The following GBP1 variants were observed in gnomAD, a reference collection of about 807,000 sequenced individuals.
GBP1 encodes the protein guanylate-binding protein 1.
GBP1 carries 64 observed loss-of-function variants against 69.5 expected under a neutral mutation model. The ratio of observed to expected loss-of-function variants is 0.92; its 90% CI spans 0.75 to 1.13. The LOEUF is 1.13. Ranked by LOEUF, GBP1 falls within the 50% of genes most tolerant of loss-of-function variation. The pLI, the probability that GBP1 is intolerant of heterozygous loss-of-function variation, is 0.00. For missense variants in GBP1, 630 were observed against 704.1 expected (o/e 0.89, Z 1.19); for synonymous variants, 250 against 261.2 (o/e 0.96, Z 0.41).
chr1:89,064,395 G>A (rs114704581), intron 1 of GBP1, among the ~76,000 whole-genome samples: 6,438 of 152,196 alleles, frequency 0.042, 186 homozygotes, highest in Admixed American at 0.073. Flanking sequence ...AGTAAGCAAA[G>A]ATATTTTCTG....
chr1:89,058,384 AT>A, intron 5 of GBP1, 150 bp from the exon 6 acceptor site: 1 of 698,756 alleles, frequency 1.4e-6, no homozygotes, highest in Non-Finnish European at 2.4e-6. Context: ...GCTTTAGACA[AT>A]ATGTAAATGA....
rs1354364136 is a variant in GBP1, at chr1:89,063,052, C to T, written c.183G>A (p.Lys61=). ...TTTGCTCATGCCACTCACCCTTTTT[C>T]TTTCCAGCCAGCTTGTTCATCAGGT... ...KSYLMNKLAG[K]KKGFSLGSTV... Residue 61 remains lysine (K), a synonymous_variant, in exon 2 of 11, where the codon AAG becomes AAA. Transcript: ENST00000370473. 6.2e-7 allele frequency: 1 copy of T among 1,614,024 alleles called. No homozygotes were observed. The highest frequency in any genetic ancestry group is 2.2e-5 in the East Asian group (1 of 44,878).
chr1:89,053,528 A>G, intron 10 of GBP1, 60 bp from the exon 11 acceptor site: 4 of 1,570,820 alleles, frequency 2.5e-6, no homozygotes, highest in Admixed American at 2.0e-5. Context: ...GAAACATTCT[A>G]TCTGGTTTCC....
Position 89,058,253 on chromosome 1 carries a change from A to T in GBP1, c.632-19T>A. On this transcript the variant is annotated intron_variant, in intron 5 of 10. Coordinates refer to ENST00000370473, the MANE Select transcript of GBP1 (RefSeq NM_002053.3). ...CTGGTACCTAGAAAAACATTTAAAA[A>T]ATTATAAAATTGCCTAATATAAGTG... The T allele has an allele frequency of 6.4e-7, 1 of 1,555,906 alleles. No homozygotes were observed.
Position 89,052,713 on chromosome 1 carries a change from C to T in GBP1, c.*642G>A, listed in dbSNP as rs1033636743. On this transcript the variant is annotated 3_prime_UTR_variant, in exon 11 of 11. Coordinates refer to ENST00000370473, the MANE Select transcript of GBP1 (RefSeq NM_002053.3). ...TAAAGTGTCCCATTGAAGTTATAAT[C>T]TGGATGAACTGAACAATAAGAGAAG... 2 of 152,206 alleles carry T rather than the reference C, an allele frequency of 1.3e-5. No homozygotes were observed. The highest frequency in any genetic ancestry group is 2.9e-5 in the Non-Finnish European group (2 of 68,042). 9.4% of individuals were successfully genotyped at this position (152,206 alleles called of 1,614,324 possible).
chr1:89,060,498 C>A (rs1424350195), intron 2 of GBP1, among the ~76,000 whole-genome samples, 174 bp from the exon 3 acceptor site: 2 of 152,188 alleles, frequency 1.3e-5, no homozygotes, highest in Non-Finnish European at 2.9e-5. Context: ...TGCATGGAAA[C>A]ATTCAGGAGG....
In GBP1 at chr1:89,053,234, T is replaced by G; in HGVS notation, c.*121A>C. ...ATTTTGATCATTGTACCACATGCCTTTATAAACTTTTGGTGTTATGATGCA... is the reference window on the plus strand; with the variant it reads ...ATTTTGATCATTGTACCACATGCCTGTATAAACTTTTGGTGTTATGATGCA... On this transcript the variant is annotated 3_prime_UTR_variant, in exon 11 of 11. Transcript: ENST00000370473. 1.5e-6 allele frequency: 1 copy of G among 661,978 alleles called. No homozygotes were observed. Among genetic ancestry groups the G allele is most frequent in the Non-Finnish European group, 2.5e-6 (1 of 394,040 alleles). 41.0% of individuals were successfully genotyped at this position (661,978 alleles called of 1,614,324 possible). A position where few individuals can be genotyped will look rare whatever the true frequency, so the allele number is the denominator to read the frequency against.
Position 89,053,280 on chromosome 1 carries a change from G to A in GBP1, c.*75C>T, listed in dbSNP as rs1679963534. The A allele has an allele frequency of 2.8e-6, 3 of 1,059,514 alleles. No individual in the cohort carries two copies. The highest frequency in any genetic ancestry group is 4.2e-6 in the Non-Finnish European group (3 of 717,820). The allele number at this position is 1,059,514 out of a possible 1,614,324, so 65.6% of individuals were successfully genotyped here. ...ATGCAAGATCTAATTATTATCAAATGTAGTGACGCTTGTTCCAAATTCTAA... is the reference window on the plus strand; with the variant it reads ...ATGCAAGATCTAATTATTATCAAATATAGTGACGCTTGTTCCAAATTCTAA... On this transcript the variant is annotated 3_prime_UTR_variant, in exon 11 of 11. Coordinates refer to ENST00000370473, the MANE Select transcript of GBP1 (RefSeq NM_002053.3).
chr1:89,064,003 C>A (rs1205492372), intron 1 of GBP1, among the ~76,000 whole-genome samples: 1 of 152,070 alleles, frequency 6.6e-6, no homozygotes, highest in Non-Finnish European at 1.5e-5. Context: ...CTGAATGTTT[C>A]CTCCAGATAA....
intron 2 of GBP1, among the ~76,000 whole-genome samples, chr1:89,062,306 C>T (rs759240131): frequency 2.4e-4 from 36 of 152,284 alleles, no homozygotes; most frequent in African/African-American, 7.9e-4. Flanking sequence ...TTAGTATACA[C>T]GTACAATTAC....
rs750714490 is a variant in GBP1 at position 89,053,413 on chromosome 1, T to C, written c.1721A>G (p.Asn574Ser). The C allele has an allele frequency of 1.9e-6, 3 of 1,613,852 alleles. No homozygotes were observed. The South Asian group carries it at 3.3e-5, about 18-fold the overall frequency. Residue 574 changes from asparagine to serine, a missense_variant, in exon 11 of 11, where the codon AAT becomes AGT. By Grantham distance (46) the Asn-to-Ser change is conservative (BLOSUM62 1). Transcript: ENST00000370473. ...TTTCGTCTGGAGATCCTGTATCTCA[T>C]TTTTCATTATTCTGCTTTCTTTTTG... ...GFQKESRIMKNEIQDLQTKMR... is the reference protein window; with the variant it reads ...GFQKESRIMKSEIQDLQTKMR...
At chr1:89,064,186 T>G (rs1680271568) in intron 1 of GBP1, among the ~76,000 whole-genome samples, 4 of 136,012 alleles carry the variant, frequency 2.9e-5, no homozygotes, top group Admixed American at 1.5e-4. Context: ...GAGAGGAGGA[T>G]AAGGGGCTGG....
intron 2 of GBP1, chr1:89,062,707 G>A: frequency 5.0e-6 from 1 of 200,108 alleles, no homozygotes. Flanking sequence ...CAACCTTAAA[G>A]ATCACTGTGA....
chr1:89,059,114 C>A, intron 4 of GBP1, 71 bp from the exon 5 acceptor site: 3 of 1,602,236 alleles, frequency 1.9e-6, no homozygotes, highest in South Asian at 1.1e-5. Context: ...AACACATACC[C>A]AAACCTTCCA....
At position 89,056,319 on chromosome 1, in the gene GBP1, G is replaced by C. The variant is rs576980945; in HGVS notation, c.1156-91C>G. On this transcript the variant is annotated intron_variant, in intron 7 of 10. Transcript: ENST00000370473. ...TTGGGAACGATTTCTGAAAATAGAA[G>C]TCAATGATGCTGGAGAAACTGACAG... 16 of 1,599,668 alleles carry C rather than the reference G, an allele frequency of 1.0e-5. No homozygotes were observed. In the African/African-American group the frequency reaches 1.5e-4, roughly 15 times the overall value.
chr1:89,057,309 A>G (rs1008309381), intron 6 of GBP1, among the ~76,000 whole-genome samples, 175 bp from the exon 7 acceptor site: 1 of 152,130 alleles, frequency 6.6e-6, no homozygotes. Flanking sequence ...ATTGAATTAG[A>G]CTTTTGTGTT....
intron 5 of GBP1, chr1:89,058,558 C>T: frequency 1.8e-6 from 1 of 551,546 alleles, no homozygotes. Context: ...ACTCCATACT[C>T]TATGGCTAAG....
chr1:89,059,793 G>A (rs1680137993), intron 3 of GBP1, among the ~76,000 whole-genome samples: 2 of 151,748 alleles, frequency 1.3e-5, no homozygotes, highest in Non-Finnish European at 2.9e-5. Flanking sequence ...TCACATATAA[G>A]ATTGGTACTA....
At chr1:89,059,527 TTTTC>T (rs1680131293) in intron 3 of GBP1, 101 bp from the exon 4 acceptor site, 15 of 1,192,856 alleles carry the variant, frequency 1.3e-5, no homozygotes, top group African/African-American at 1.6e-5. Context: ...GAGGGTTTTT[TTTTC>T]TTTTCTTTTT....
Sources: gnomAD v4.1 joint callset for allele counts (sites outside exome capture counted in the v4.1 genomes callset) on GRCh38, gnomAD v4.1.1 for gene constraint, MANE v1.5 for transcripts, NCBI Gene and HGNC (gene_info 2026-07-23, HGNC 2026-07-21) for gene names.